KANK1: variants seen among roughly 807,000 people sequenced by gnomAD.
KANK1 encodes KN motif and ankyrin repeat domains 1, also known as KN motif and ankyrin repeat domain-containing protein 1.
In KANK1, 109 loss-of-function variants were observed where a neutral mutation model predicts 106.2. The ratio of observed to expected loss-of-function variants is 1.03; its 90% CI spans 0.88 to 1.20. KANK1 has a LOEUF of 1.20. KANK1 is among the 50% of genes most tolerant of loss of function. The pLI is 0.00. For synonymous variants in KANK1, 873 were observed against 652.2 expected (o/e 1.34, Z -5.16); for missense variants, 2,399 against 1,710.7 (o/e 1.40, Z -7.10).
chr9:704,614 A>C (rs935806553), intron 2 of KANK1, among the ~76,000 whole-genome samples: 4 of 152,164 alleles, frequency 2.6e-5, no homozygotes, highest in African/African-American at 9.7e-5. Context: ...TCACCTCCCA[A>C]GTGAACTTTC....
chr9:669,509 T>G (rs184784393), intron 1 of KANK1, among the ~76,000 whole-genome samples: 1 of 130,976 alleles, frequency 7.6e-6, no homozygotes, highest in East Asian at 2.2e-4. Context: ...GATAGCAGGG[T>G]TTTTTGGGGT....
chr9:475,753 T>G (rs955052371), intron 3 of KANK1, among the ~76,000 whole-genome samples: 7 of 152,238 alleles, frequency 4.6e-5, no homozygotes, highest in Non-Finnish European at 7.3e-5. Flanking sequence ...AGGGGAAAAT[T>G]TGCATCTGTA....
intron 1 of KANK1, among the ~76,000 whole-genome samples, chr9:604,842 A>G (rs1345768601): frequency 6.6e-6 from 1 of 151,770 alleles, no homozygotes; most frequent in Non-Finnish European, 1.5e-5. Context: ...AATAATGATA[A>G]TAGTAAGTTT....
chr9:531,824 G>A (rs919577797), intron 1 of KANK1, among the ~76,000 whole-genome samples: 4 of 152,016 alleles, frequency 2.6e-5, no homozygotes, highest in South Asian at 2.1e-4. Flanking sequence ...CCCATATATC[G>A]GGAAAAAATG....
intron 1 of KANK1, among the ~76,000 whole-genome samples, chr9:557,210 T>G (rs1216393083): frequency 4.0e-5 from 6 of 151,516 alleles, no homozygotes; most frequent in East Asian, 3.9e-4. Flanking sequence ...AAAAAAAAAT[T>G]TATTCATTAG....
At position 610,930 on chromosome 9, in the gene KANK1, C is replaced by T. The variant is rs190319143; in HGVS notation, c.-83-65960C>T. On this transcript the variant is annotated intron_variant, in intron 1 of 11. Coordinates refer to ENST00000382297, the MANE Select transcript of KANK1 (RefSeq NM_015158.5). ...AAATGGTTAACATCGTCCCCAGTCCCGTAGAAGAAGAATGAAATGGTATTC... is the reference window on the plus strand; with the variant it reads ...AAATGGTTAACATCGTCCCCAGTCCTGTAGAAGAAGAATGAAATGGTATTC... 7.2e-5 allele frequency among the ~76,000 whole-genome samples: 11 copies of T among 152,220 alleles called. 1 individual carries two copies. Among genetic ancestry groups the T allele is most frequent in the African/African-American group, 2.4e-4 (10 of 41,520 alleles).
chr9:717,307 G>T (rs550580186), intron 3 of KANK1, among the ~76,000 whole-genome samples: 10 of 152,154 alleles, frequency 6.6e-5, no homozygotes, highest in Non-Finnish European at 1.3e-4. Flanking sequence ...AAAGGAAAAA[G>T]AAATTAAAAG....
chr9:487,756 C>G (rs1201508917), intron 3 of KANK1: 2 of 152,268 alleles, frequency 1.3e-5, no homozygotes, highest in South Asian at 2.1e-4. Flanking sequence ...ATGGTGGCAC[C>G]TGGGCAAATT....
At chr9:496,452 G>C (rs946209334) in intron 3 of KANK1, among the ~76,000 whole-genome samples, 1 of 152,178 alleles carries the variant, frequency 6.6e-6, no homozygotes, top group Admixed American at 6.5e-5. Flanking sequence ...AGCTACTCGG[G>C]AGGCTGAGGT....
chr9:737,940 G>GT (rs1280635447), intron 7 of KANK1, among the ~76,000 whole-genome samples: 1 of 152,204 alleles, frequency 6.6e-6, no homozygotes, highest in Non-Finnish European at 1.5e-5. Context: ...GTATTATCCA[G>GT]TTTTTCAGAT....
At chr9:741,462 A>G (rs1835481958) in intron 9 of KANK1, among the ~76,000 whole-genome samples, 1 of 147,248 alleles carries the variant, frequency 6.8e-6, no homozygotes, top group Non-Finnish European at 1.5e-5. Flanking sequence ...AGCAGGGACT[A>G]ACAGGCACAC....
intron 3 of KANK1, among the ~76,000 whole-genome samples, chr9:481,891 T>A (rs2058211378): frequency 6.6e-6 from 1 of 151,410 alleles, no homozygotes; most frequent in South Asian, 2.1e-4. Context: ...GGAGAGTGTA[T>A]AGGAGGATAG....
intron 1 of KANK1, among the ~76,000 whole-genome samples, chr9:645,540 A>G (rs970111911): frequency 1.3e-5 from 2 of 150,672 alleles, no homozygotes; most frequent in African/African-American, 5.0e-5. Flanking sequence ...AAAATTATTT[A>G]ATGTATAAAA....
intron 1 of KANK1, among the ~76,000 whole-genome samples, chr9:566,628 C>T (rs982106086): frequency 6.6e-6 from 1 of 152,096 alleles, no homozygotes; most frequent in Non-Finnish European, 1.5e-5. Flanking sequence ...AGCTTTTTTT[C>T]CACATACTTG....
chr9:503,817 T>C (rs921766027), upstream of KANK1, among the ~76,000 whole-genome samples: 3 of 152,214 alleles, frequency 2.0e-5, no homozygotes, highest in Non-Finnish European at 4.4e-5. Context: ...CTCATGGACC[T>C]ACTGGATTGC....
intron 1 of KANK1, among the ~76,000 whole-genome samples, chr9:605,543 A>G (rs952652169): frequency 4.6e-5 from 7 of 151,736 alleles, no homozygotes. Context: ...AGCCTGGGCA[A>G]AGGTGTAGAG....
At chr9:590,519 G>C (rs1824590041) in intron 1 of KANK1, among the ~76,000 whole-genome samples, 1 of 152,094 alleles carries the variant, frequency 6.6e-6, no homozygotes, top group South Asian at 2.1e-4. Flanking sequence ...ATTATTATTA[G>C]AGACTTCATG....
chr9:475,414 C>T (rs184748456), intron 3 of KANK1, among the ~76,000 whole-genome samples: 5 of 152,286 alleles, frequency 3.3e-5, no homozygotes, highest in Admixed American at 3.3e-4. Flanking sequence ...TCAAACTGTG[C>T]ACTTGATCTC....
At chr9:512,842 C>G (rs1180546738) in intron 1 of KANK1, among the ~76,000 whole-genome samples, 1 of 152,182 alleles carries the variant, frequency 6.6e-6, no homozygotes, top group Admixed American at 6.5e-5. Context: ...TCCCTCACAC[C>G]TCTCTTTCCT....
Sources: allele counts gnomAD v4.1 joint callset (sites outside exome capture counted in the v4.1 genomes callset), GRCh38; gene constraint gnomAD v4.1.1; transcripts MANE v1.5; gene names NCBI Gene and HGNC (gene_info 2026-07-23, HGNC 2026-07-21).